The following IQCM variants were observed in gnomAD, a reference collection of about 807,000 sequenced individuals.
IQCM encodes the protein IQ motif containing M.
A neutral mutation model predicts 57.6 loss-of-function variants in IQCM; 45 were observed. The observed-to-expected ratio is 0.78, with a 90% CI of 0.62 to 1.00. The LOEUF is 1.00. Among genes scored for constraint, IQCM ranks in the 50% least tolerant of loss-of-function variants. The probability of loss-of-function intolerance (pLI) is 0.00; values close to 1 mark genes in which losing one functional copy is unlikely to be tolerated. For synonymous variants in IQCM, 148 were observed against 158.9 expected (o/e 0.93, Z 0.51); for missense variants, 468 against 511.6 (o/e 0.91, Z 0.82).
At chr4:149,636,709 C>G (rs1217782585) in intron 7 of IQCM, among the ~76,000 whole-genome samples, 9 of 152,014 alleles carry the variant, frequency 5.9e-5, no homozygotes, top group Non-Finnish European at 1.2e-4. Context: ...GCTAGAGTTT[C>G]TAGTCGGTTA....
At chr4:149,597,087 CAA>C (rs139370886) in intron 8 of IQCM, among the ~76,000 whole-genome samples, 2 of 150,952 alleles carry the variant, frequency 1.3e-5, no homozygotes, top group African/African-American at 4.9e-5. Context: ...ATTGAAGAAA[CAA>C]AAAAAATTAT....
chr4:149,700,430 C>T (rs957664233), intron 5 of IQCM, among the ~76,000 whole-genome samples: 1 of 151,870 alleles, frequency 6.6e-6, no homozygotes, highest in African/African-American at 2.4e-5. Flanking sequence ...CACATGTCCC[C>T]TGGCTCTCTC....
intron 13 of IQCM, among the ~76,000 whole-genome samples, chr4:149,368,669 C>T (rs1730013618): frequency 6.8e-6 from 1 of 147,622 alleles, no homozygotes; most frequent in African/African-American, 2.5e-5. Flanking sequence ...TTTTTTGAGG[C>T]TTTAAGGGGA....
At chr4:149,553,787 T>A (rs1749271567) in intron 10 of IQCM, among the ~76,000 whole-genome samples, 1 of 152,214 alleles carries the variant, frequency 6.6e-6, no homozygotes. Context: ...CTTTGAATAT[T>A]CAAGAAATTA....
At chr4:149,692,623 T>G (rs1763024334) in intron 5 of IQCM, among the ~76,000 whole-genome samples, 1 of 152,144 alleles carries the variant, frequency 6.6e-6, no homozygotes, top group Non-Finnish European at 1.5e-5. Flanking sequence ...CAGATATACT[T>G]TTTAAAAAGT....
intron 2 of IQCM, among the ~76,000 whole-genome samples, chr4:149,771,865 T>G (rs535073833): frequency 6.6e-6 from 1 of 152,284 alleles, no homozygotes; most frequent in African/African-American, 2.4e-5. Context: ...TTAATCCTAC[T>G]AAGGGGTAAA....
intron 2 of IQCM, among the ~76,000 whole-genome samples, chr4:149,812,457 A>ATC (rs745971362): frequency 0.037 from 5,156 of 138,662 alleles, 100 homozygotes; most frequent in African/African-American, 0.068. Flanking sequence ...TACCTTCTAG[A>ATC]TCTCTCTCTC....
At chr4:149,617,537 GC>G (rs768199826) in intron 8 of IQCM, among the ~76,000 whole-genome samples, 125 of 151,884 alleles carry the variant, frequency 8.2e-4, no homozygotes, top group Non-Finnish European at 1.3e-3. Flanking sequence ...AACTGGACAG[GC>G]AAAAAAGGTC....
At chr4:149,724,492 T>A (rs1765717180) in intron 5 of IQCM, among the ~76,000 whole-genome samples, 1 of 151,854 alleles carries the variant, frequency 6.6e-6, no homozygotes, top group Non-Finnish European at 1.5e-5. Context: ...CTGACACACA[T>A]ACACGTACAC....
chr4:149,400,522 T>C (rs1256644447), intron 13 of IQCM, among the ~76,000 whole-genome samples: 3 of 151,976 alleles, frequency 2.0e-5, no homozygotes, highest in South Asian at 2.1e-4. Flanking sequence ...CCAATATAAA[T>C]AGAAATCAAA....
chr4:149,776,130 T>G (rs1771068180), intron 2 of IQCM, among the ~76,000 whole-genome samples: 1 of 151,996 alleles, frequency 6.6e-6, no homozygotes, highest in African/African-American at 2.4e-5. Context: ...AGGCTGTGTC[T>G]CTAAAAAATT....
chr4:149,798,943 A>G (rs1773359207), intron 2 of IQCM, among the ~76,000 whole-genome samples: 1 of 151,984 alleles, frequency 6.6e-6, no homozygotes, highest in Admixed American at 6.6e-5. Flanking sequence ...GAAATCAAAA[A>G]GGAAACATTG....
At chr4:149,618,263 A>C (rs1164411134) in intron 8 of IQCM, among the ~76,000 whole-genome samples, 1 of 152,188 alleles carries the variant, frequency 6.6e-6, no homozygotes, top group African/African-American at 2.4e-5. Flanking sequence ...AGGACACCCT[A>C]TTCAAGAAAT....
chr4:149,502,029 T>C (rs1268611006), intron 12 of IQCM, among the ~76,000 whole-genome samples: 1 of 152,128 alleles, frequency 6.6e-6, no homozygotes, highest in African/African-American at 2.4e-5. Context: ...ACACCACTGG[T>C]TATGTAAATT....
intron 12 of IQCM, among the ~76,000 whole-genome samples, chr4:149,486,537 A>G (rs530285266): frequency 6.6e-6 from 1 of 152,240 alleles, no homozygotes; most frequent in Non-Finnish European, 1.5e-5. Context: ...TCACAAGGTC[A>G]GGAGTTCAAG....
intron 8 of IQCM, among the ~76,000 whole-genome samples, chr4:149,608,598 A>G (rs1755000446): frequency 6.6e-6 from 1 of 151,950 alleles, no homozygotes; most frequent in African/African-American, 2.4e-5. Flanking sequence ...AATAGAAATC[A>G]ATAACAAGAA....
chr4:149,635,166 T>G (rs796716423), intron 7 of IQCM, among the ~76,000 whole-genome samples: 2 of 152,222 alleles, frequency 1.3e-5, no homozygotes, highest in African/African-American at 4.8e-5. Flanking sequence ...TCCAACAAAG[T>G]GTGACTTTAA....
chr4:149,557,060 A>G (rs758562971), intron 10 of IQCM, among the ~76,000 whole-genome samples: 2 of 152,240 alleles, frequency 1.3e-5, no homozygotes, highest in Admixed American at 6.5e-5. Context: ...TCTGAAAAAT[A>G]TTAAATAGCA....
At chr4:149,573,270 A>C (rs1326940107) in intron 9 of IQCM, among the ~76,000 whole-genome samples, 1 of 151,326 alleles carries the variant, frequency 6.6e-6, no homozygotes, top group Admixed American at 6.6e-5. Flanking sequence ...GACCACAAAA[A>C]CATGCCAAAT....
Sources: gnomAD v4.1 joint callset for allele counts (sites outside exome capture counted in the v4.1 genomes callset) on GRCh38, gnomAD v4.1.1 for gene constraint, MANE v1.5 for transcripts, NCBI Gene and HGNC (gene_info 2026-07-23, HGNC 2026-07-21) for gene names.